ZNF518A: variants seen among roughly 807,000 people sequenced by gnomAD.
ZNF518A encodes zinc finger protein 518.
In ZNF518A, 47 loss-of-function variants were observed where a neutral mutation model predicts 102.7. The observed-to-expected ratio is 0.46, with a 90% CI of 0.36 to 0.58. ZNF518A has a LOEUF of 0.58. Among genes scored for constraint, ZNF518A ranks in the 20% least tolerant of loss-of-function variants. ZNF518A has a pLI of 0.00. For missense variants in ZNF518A, 1,793 were observed against 1,699.8 expected (o/e 1.05, Z -0.96); for synonymous variants, 652 against 594.6 (o/e 1.10, Z -1.40).
rs1244464093 is a variant in ZNF518A at position 96,189,505 on chromosome 10, T to C, written n.36-14069T>C. The C allele has an allele frequency of 1.2e-5, 8 of 641,288 alleles. No homozygotes were observed. The Admixed American group carries it at 1.3e-4, about 10-fold the overall frequency. 39.7% of individuals were successfully genotyped at this position (641,288 alleles called of 1,614,324 possible). ...ATACTTGCTTGCATTTTTGATTTAA[T>C]GTCTTCTACAGAACTAGGCCCTTTT... On this transcript the variant is annotated intron_variant and non_coding_transcript_variant, in intron 1 of 2. Coordinates refer to the ZNF518A transcript ENST00000442635.
chr10:96,197,528 G>C (rs2083499524), intron 1 of ZNF518A, among the ~76,000 whole-genome samples: 1 of 152,104 alleles, frequency 6.6e-6, no homozygotes, highest in South Asian at 2.1e-4. Flanking sequence ...TTAGAAATAT[G>C]TGAAGGGACA....
chr10:96,159,479 T>G lies in ZNF518A; in HGVS notation c.3157T>G (p.Leu1053Val). 1 of 1,613,824 alleles carries G rather than the reference T, an allele frequency of 6.2e-7. No homozygotes were observed. The highest frequency in any genetic ancestry group is 2.2e-5 in the East Asian group (1 of 44,892). Residue 1053 changes from leucine to valine, a missense_variant, in exon 6 of 6, where the codon TTG becomes GTG. By Grantham distance (32) the Leu-to-Val change is conservative. Around this residue, in one of 3 missense-constraint regions of ZNF518A, gnomAD observed 1,741 missense variants for 1,622.6 expected, o/e 1.07. Transcript: ENST00000316045. ...NTLPLKGPYILKPTSSVKAVL... is the reference protein window; with the variant it reads ...NTLPLKGPYIVKPTSSVKAVL... ...TTTGCCATTAAAAGGCCCTTACATT[T>G]TGAAACCAACGAGTTCTGTGAAAGC... is the stretch of plus-strand genomic sequence containing the variant.
intron 1 of ZNF518A, among the ~76,000 whole-genome samples, chr10:96,202,302 G>C (rs975249708): frequency 1.3e-5 from 2 of 152,196 alleles, no homozygotes; most frequent in African/African-American, 4.8e-5. Context: ...GCTGGAAACA[G>C]AGGGTGGCAA....
chr10:96,193,857 A>G (rs1430005560), intron 1 of ZNF518A, among the ~76,000 whole-genome samples: 5 of 152,228 alleles, frequency 3.3e-5, no homozygotes, highest in African/African-American at 1.2e-4. Flanking sequence ...GAAAAACTCC[A>G]CATGATTGAC....
intron 1 of ZNF518A, among the ~76,000 whole-genome samples, chr10:96,172,929 G>A (rs373961282): frequency 9.9e-4 from 151 of 152,206 alleles, no homozygotes; most frequent in Non-Finnish European, 1.7e-3. Context: ...ATATCTGTGC[G>A]TTCTACATCT....
chr10:96,178,972 T>C (rs1280181439), intron 1 of ZNF518A, among the ~76,000 whole-genome samples: 1 of 152,102 alleles, frequency 6.6e-6, no homozygotes, highest in Non-Finnish European at 1.5e-5. Context: ...GTGAACTCTA[T>C]CAAATGTATT....
chr10:96,178,470 T>G (rs1213031431), intron 1 of ZNF518A, among the ~76,000 whole-genome samples: 12 of 152,168 alleles, frequency 7.9e-5, no homozygotes, highest in Non-Finnish European at 2.9e-5. Flanking sequence ...GGAGGGACAT[T>G]TTAAACTTCA....
rs2081263877 is a variant in ZNF518A, at chr10:96,130,389, G to A, written c.-816G>A. ...GCTTACCCTTACTTTCTTAACCTGG[G>A]GTTGTTTTACTTCCGGGCTTTTTGA... is the stretch of plus-strand genomic sequence containing the variant. On this transcript the variant is annotated 5_prime_UTR_variant, in exon 1 of 6. Coordinates refer to ENST00000316045, the MANE Select transcript of ZNF518A (RefSeq NM_001330736.2). Among the ~76,000 whole-genome samples, 1 of 152,238 alleles carries A rather than the reference G, an allele frequency of 6.6e-6. No individual in the cohort carries two copies. Among genetic ancestry groups the A allele is most frequent in the South Asian group, 2.1e-4 (1 of 4,834 alleles).
At chr10:96,165,018 G>A (rs777760940), downstream of ZNF518A, among the ~76,000 whole-genome samples, 16 of 152,320 alleles carry the variant, frequency 1.1e-4, no homozygotes, top group Non-Finnish European at 1.9e-4. Context: ...AAATACTCTT[G>A]TAGATGACTT....
At chr10:96,190,887 T>C (rs181115268) in intron 1 of ZNF518A, among the ~76,000 whole-genome samples, 1 of 152,210 alleles carries the variant, frequency 6.6e-6, no homozygotes, top group Non-Finnish European at 1.5e-5. Context: ...TTGTGGGATA[T>C]TTCTCTAGGA....
intron 3 of ZNF518A, among the ~76,000 whole-genome samples, chr10:96,140,323 C>G (rs1337441268): frequency 6.6e-6 from 1 of 152,116 alleles, no homozygotes; most frequent in African/African-American, 2.4e-5. Flanking sequence ...AACTTCTAAT[C>G]ATGGAGGCAG....
intron 1 of ZNF518A, among the ~76,000 whole-genome samples, chr10:96,179,961 C>T (rs1443861129): frequency 6.6e-6 from 1 of 151,086 alleles, no homozygotes; most frequent in Non-Finnish European, 1.5e-5. Flanking sequence ...TCACTGCAAC[C>T]TCTGCCTCCT....
chr10:96,201,302 T>C (rs1554896095), intron 1 of ZNF518A, among the ~76,000 whole-genome samples: 1 of 152,176 alleles, frequency 6.6e-6, no homozygotes, highest in Non-Finnish European at 1.5e-5. Flanking sequence ...CCTCATGTAG[T>C]TCCACCAGAA....
chr10:96,175,467 G>A (rs1220782742), intron 1 of ZNF518A, among the ~76,000 whole-genome samples: 7 of 152,168 alleles, frequency 4.6e-5, no homozygotes, highest in Non-Finnish European at 8.8e-5. Flanking sequence ...TGGATAAGAT[G>A]CTGACGTGGA....
rs1554876887 is a variant in ZNF518A, at chr10:96,142,352, G to GTGTGTT, written c.-302+8707_-302+8708insGTTTGT. Among the ~76,000 whole-genome samples, 859 of 127,600 alleles carry GTGTGTT rather than the reference G, an allele frequency of 6.7e-3. 6 individuals carry two copies. Among genetic ancestry groups the GTGTGTT allele is most frequent in the Non-Finnish European group, 0.01 (613 of 60,212 alleles). 83.7% of individuals were successfully genotyped at this position (127,600 alleles called of 152,430 possible). A position where few individuals can be genotyped will look rare whatever the true frequency, so the allele number is the denominator to read the frequency against. ...TGTGTGTGTGTGTGTGTGTGTGTGTGTGTTTCTAGATTCCTTTTAGCAGAA... is the reference window on the plus strand; with the variant it reads ...TGTGTGTGTGTGTGTGTGTGTGTGTGTGTGTTTGTTTCTAGATTCCTTTTAGCAGAA... On this transcript the variant is annotated intron_variant, in intron 3 of 5. Transcript: ENST00000316045.
chr10:96,167,114 A>G (rs1591270534), downstream of ZNF518A, among the ~76,000 whole-genome samples: 1 of 152,346 alleles, frequency 6.6e-6, no homozygotes, highest in East Asian at 1.9e-4. Flanking sequence ...TAGGAAATAT[A>G]AAGTTTTGAG....
intron 1 of ZNF518A, among the ~76,000 whole-genome samples, chr10:96,171,741 A>G (rs1461997740): frequency 6.6e-6 from 1 of 152,120 alleles, no homozygotes; most frequent in Non-Finnish European, 1.5e-5. Context: ...GTAATGAAAA[A>G]TTTTTTAAGT....
chr10:96,192,301 T>C lies in ZNF518A; in HGVS notation n.36-11273T>C, dbSNP rs76157825. Among the ~76,000 whole-genome samples, 4,626 of 151,750 alleles carry C rather than the reference T, an allele frequency of 0.03. 765 individuals carry two copies. In the East Asian group the frequency reaches 0.49, roughly 16 times the overall value. On this transcript the variant is annotated intron_variant and non_coding_transcript_variant, in intron 1 of 2. Coordinates refer to the ZNF518A transcript ENST00000442635. ...GTATTAAGTACGAAGAAAAACACACTGACAGCCTCAATTAGCATAGCTACT... is the reference window on the plus strand; with the variant it reads ...GTATTAAGTACGAAGAAAAACACACCGACAGCCTCAATTAGCATAGCTACT...
rs1554887446 is a variant in ZNF518A, at chr10:96,160,576, A to G, written c.4254A>G (p.Glu1418=). 1.2e-5 allele frequency: 20 copies of G among 1,611,758 alleles called. No homozygotes were observed. In the Admixed American group the frequency reaches 1.5e-4, roughly 12 times the overall value. ...TTAAACCTGTTAGTTCTGTGAAAGA[A>G]AGATTTGTGCTAAAATTAACACTCA... is the stretch of plus-strand genomic sequence containing the variant. ...KTFKPVSSVK[E]RFVLKLTLKK... Residue 1418 remains glutamate (E), a synonymous_variant, in exon 6 of 6, where the codon GAA becomes GAG. Coordinates refer to ENST00000316045, the MANE Select transcript of ZNF518A (RefSeq NM_001330736.2).
Sources: allele counts gnomAD v4.1 joint callset (sites outside exome capture counted in the v4.1 genomes callset), GRCh38; gene constraint gnomAD v4.1.1; regional missense constraint gnomAD v4.1.1; transcripts MANE v1.5; gene names NCBI Gene and HGNC (gene_info 2026-07-23, HGNC 2026-07-21).